Variants in GEN1 observed in about 807,000 individuals in gnomAD.
GEN1 encodes GEN1 structure-specific endonuclease, also known as flap endonuclease GEN homolog 1.
GEN1 carries 64 observed loss-of-function variants against 67.6 expected under a neutral mutation model. The observed-to-expected ratio is 0.95, with a 90% confidence interval of 0.77 to 1.17. The LOEUF is 1.17. Ranked by LOEUF, GEN1 falls within the 50% of genes most tolerant of loss-of-function variation. The pLI, the probability that GEN1 is intolerant of heterozygous loss-of-function variation, is 0.00. For synonymous variants in GEN1, 371 were observed against 359.4 expected, an observed-to-expected ratio of 1.03 and a Z score of -0.37; for missense variants, 1,058 against 1,048.3, an observed-to-expected ratio of 1.01 and a Z score of -0.13.
intron 5 of GEN1, among the ~76,000 whole-genome samples, chr2:17,768,218 C>T (rs543174868): frequency 6.6e-6 from 1 of 152,264 alleles, no homozygotes; most frequent in South Asian, 2.1e-4. Context: ...TACATTAAGG[C>T]ATATCATTTT....
rs898178590 is a variant in GEN1 at position 17,786,045 on chromosome 2, T to C, written c.*4106T>C. The C allele has an allele frequency of 3.3e-5, 5 of 152,266 alleles. No individual in the cohort carries two copies. Among genetic ancestry groups the C allele is most frequent in the Admixed American group, 3.3e-4 (5 of 15,286 alleles). The allele number at this position is 152,266 out of a possible 1,614,324, so 9.4% of individuals were successfully genotyped here. On this transcript the variant is annotated 3_prime_UTR_variant, in exon 14 of 14. Coordinates refer to ENST00000381254, the MANE Select transcript of GEN1 (RefSeq NM_001130009.3). ...TTCTTTTCTGCTAACAGATTTTCTC[T>C]GTGACCCTGGAGACATTTTCTAACT...
Position 17,780,089 on chromosome 2 carries a change from A to C in GEN1, c.1376A>C (p.Gln459Pro), listed in dbSNP as rs763725122. ...GAGATCGTTGCTGTTTACCAAAAACAAAAGTTAGAAATTAAAGGGAAGAAA... is the reference window on the plus strand; with the variant it reads ...GAGATCGTTGCTGTTTACCAAAAACCAAAGTTAGAAATTAAAGGGAAGAAA... ...YPEIVAVYQK[Q>P]KLEIKGKKQK... is the part of the protein sequence containing the mutation. Residue 459 changes from glutamine (Q) to proline (P), a missense_variant, in exon 13 of 14, where the codon CAA (glutamine) becomes CCA (proline). Coordinates refer to ENST00000381254, the MANE Select transcript of GEN1 (RefSeq NM_001130009.3). 7.4e-6 allele frequency: 12 copies of C among 1,612,786 alleles called. No individual in the cohort carries two copies. The East Asian group carries it at 2.5e-4, about 33-fold the overall frequency.
In GEN1 at chr2:17,765,037, C is replaced by T. The variant is rs143444612; in HGVS notation, c.489C>T (p.Ala163=). The T allele has an allele frequency of 1.9e-6, 3 of 1,614,002 alleles. No individual in the cohort carries two copies. The highest frequency in any genetic ancestry group is 2.2e-5 in the East Asian group (1 of 44,878). The part of the protein sequence containing the change: ...TNDGDTFLYG[A]QTVYRNFTMN... ...ATGGAGATACTTTCCTTTATGGGGCCCAGACTGTTTACAGGAATTTCACTA... is the reference window on the plus strand; with the variant it reads ...ATGGAGATACTTTCCTTTATGGGGCTCAGACTGTTTACAGGAATTTCACTA... Residue 163 remains alanine (A), a synonymous_variant, in exon 4 of 14, where the codon GCC becomes GCT. Coordinates refer to ENST00000381254, the MANE Select transcript of GEN1 (RefSeq NM_001130009.3).
intron 4 of GEN1, among the ~76,000 whole-genome samples, 169 bp from the exon 5 acceptor site, chr2:17,766,410 T>C (rs190405969): frequency 0.01 from 1,551 of 152,310 alleles, 13 homozygotes; most frequent in Non-Finnish European, 0.016. Context: ...CCTCAAGTGA[T>C]ACACCCACCT....
intron 1 of GEN1, among the ~76,000 whole-genome samples, chr2:17,759,413 TC>T (rs1401604781): frequency 7.9e-5 from 12 of 152,238 alleles, no homozygotes; most frequent in African/African-American, 2.7e-4. Flanking sequence ...TTTTTCTTTT[TC>T]TACAATGAAC....
chr2:17,767,299 ATGAC>A (rs1268704441), intron 5 of GEN1, among the ~76,000 whole-genome samples: 1 of 152,188 alleles, frequency 6.6e-6, no homozygotes, highest in Non-Finnish European at 1.5e-5. Flanking sequence ...AAAATAGAAA[ATGAC>A]TGGTATTGTA....
At chr2:17,768,655 C>T (rs1672039897) in intron 5 of GEN1, 83 bp from the exon 6 acceptor site, 5 of 980,776 alleles carry the variant, frequency 5.1e-6, no homozygotes, top group Admixed American at 2.0e-5. Context: ...CTTTCAGCTG[C>T]TGACTCTTCC....
At chr2:17,779,662 T>A (rs777434964) in intron 12 of GEN1, among the ~76,000 whole-genome samples, 16 of 151,892 alleles carry the variant, frequency 1.1e-4, no homozygotes, top group Admixed American at 6.6e-4. Flanking sequence ...AGTGTAGTGG[T>A]GCGATCTCGG....
At position 17,761,909 on chromosome 2, in the gene GEN1, T is replaced by C. The variant is rs543352466; in HGVS notation, c.348+327T>C. On this transcript the variant is annotated intron_variant, in intron 3 of 13. Coordinates refer to ENST00000381254, the MANE Select transcript of GEN1 (RefSeq NM_001130009.3). ...CAACTAGTACATGGTAGGAACTTGA[T>C]CATATTACCTTTTATAACACCTTCA... Among the ~76,000 whole-genome samples the C allele has an allele frequency of 1.4e-3, 207 of 152,252 alleles. 1 individual carries two copies. The highest frequency in any genetic ancestry group is 4.9e-3 in the African/African-American group (202 of 41,556).
chr2:17,773,767 A>G (rs1350747602), intron 10 of GEN1, among the ~76,000 whole-genome samples: 1 of 152,088 alleles, frequency 6.6e-6, no homozygotes, highest in Non-Finnish European at 1.5e-5. Flanking sequence ...ATTAAATGAG[A>G]TTATTTATAT....
intron 1 of GEN1, among the ~76,000 whole-genome samples, chr2:17,758,386 C>G (rs1396789841): frequency 6.6e-6 from 1 of 152,172 alleles, no homozygotes; most frequent in African/African-American, 2.4e-5. Flanking sequence ...CAATAACTTT[C>G]TTCTCAGACT....
At chr2:17,778,293 T>C (rs1344674078) in intron 12 of GEN1, among the ~76,000 whole-genome samples, 3 of 122,786 alleles carry the variant, frequency 2.4e-5, no homozygotes, top group African/African-American at 1.0e-4. Flanking sequence ...CACACACATG[T>C]GTGTGTACAT....
In GEN1 at chr2:17,781,159, G is replaced by A. The variant is rs768479952; in HGVS notation, c.1947G>A (p.Glu649=). ...CAAACATAAAGAAAGTGTTGGATGAGGATTCTGATGGGATTAGTCCTGAAG... is the reference window on the plus strand; with the variant it reads ...CAAACATAAAGAAAGTGTTGGATGAAGATTCTGATGGGATTAGTCCTGAAG... ...YTANIKKVLD[E]DSDGISPEEH... The change falls in exon 14 of 14, where the codon GAG becomes GAA. Residue 649 remains glutamate, a synonymous_variant. Transcript: ENST00000381254. The A allele has an allele frequency of 6.2e-7, 1 of 1,613,928 alleles. No homozygotes were observed. The highest frequency in any genetic ancestry group is 1.1e-5 in the South Asian group (1 of 91,068).
chr2:17,778,855 A>G (rs1672683651), intron 12 of GEN1, among the ~76,000 whole-genome samples: 1 of 152,162 alleles, frequency 6.6e-6, no homozygotes. Flanking sequence ...TCCAGACAGA[A>G]ATACAGTGAA....
intron 5 of GEN1, among the ~76,000 whole-genome samples, chr2:17,768,436 C>A (rs1381975366): frequency 6.6e-6 from 1 of 151,990 alleles, no homozygotes; most frequent in Non-Finnish European, 1.5e-5. Flanking sequence ...AATGAAAGCC[C>A]TCTAAAATTA....
At chr2:17,759,396 A>G (rs1281548581) in intron 1 of GEN1, among the ~76,000 whole-genome samples, 2 of 152,226 alleles carry the variant, frequency 1.3e-5, no homozygotes, top group African/African-American at 4.8e-5. Context: ...ATAAGTGATT[A>G]AAAGTTTTTT....
At position 17,781,978 on chromosome 2, in the gene GEN1, C is replaced by A; in HGVS notation, c.*39C>A. 1 of 1,147,104 alleles carries A rather than the reference C, an allele frequency of 8.7e-7. No individual in the cohort carries two copies. 71.1% of individuals were successfully genotyped at this position (1,147,104 alleles called of 1,614,324 possible). ...TAGGTATAACTTAACTATTTTAGTA[C>A]TATCAGCAATAGCAGAGACAGAGGG... On this transcript the variant is annotated 3_prime_UTR_variant, in exon 14 of 14. Transcript: ENST00000381254.
At position 17,781,570 on chromosome 2, in the gene GEN1, T is replaced by C. The variant is rs1020371831; in HGVS notation, c.2358T>C (p.Thr786=). The C allele has an allele frequency of 2.5e-6, 4 of 1,613,868 alleles. No homozygotes were observed. Among genetic ancestry groups the C allele is most frequent in the Non-Finnish European group, 3.4e-6 (4 of 1,179,934 alleles). The change falls in exon 14 of 14, where the codon ACT becomes ACC. Residue 786 remains threonine, a synonymous_variant. Coordinates refer to ENST00000381254, the MANE Select transcript of GEN1 (RefSeq NM_001130009.3). The part of the protein sequence containing the change: ...DHSRKVDMQT[T]RKILMKKSVC... Reference sequence around the variant, plus strand: ...GTAGAAAAGTTGATATGCAAACCACTCGGAAAATTTTAATGAAGAAGAGTG... The same window carrying C: ...GTAGAAAAGTTGATATGCAAACCACCCGGAAAATTTTAATGAAGAAGAGTG...
At chr2:17,755,905 T>C (rs1671412863) in intron 1 of GEN1, 1 of 152,230 alleles carries the variant, frequency 6.6e-6, no homozygotes, top group African/African-American at 2.4e-5. Flanking sequence ...CTTAAATTGA[T>C]TTATGGGCAC....
Sources: gnomAD v4.1 joint callset for allele counts (sites outside exome capture counted in the v4.1 genomes callset) on GRCh38, gnomAD v4.1.1 for gene constraint, MANE v1.5 for transcripts, NCBI Gene and HGNC (gene_info 2026-07-23, HGNC 2026-07-21) for gene names.